Variants in HYDIN observed in about 807,000 individuals in gnomAD.
HYDIN encodes axonemal central pair apparatus protein HYDIN.
In HYDIN, 132 loss-of-function variants were observed where a neutral mutation model predicts 403.9. The observed-to-expected ratio is 0.33, with a 90% CI of 0.28 to 0.38. The LOEUF is 0.38. Among genes scored for constraint, HYDIN ranks in the 10% least tolerant of loss-of-function variants. The probability of loss-of-function intolerance (pLI) is 1.00; values close to 1 mark genes in which losing one functional copy is unlikely to be tolerated. For synonymous variants in HYDIN, 1,202 were observed against 1,891.7 expected, an observed-to-expected ratio of 0.64 and a Z score of 9.46; for missense variants, 2,827 against 5,009.5, an observed-to-expected ratio of 0.56 and a Z score of 13.15.
intron 20 of HYDIN, chr16:71,027,222 A>T (rs1461779874): frequency 7.2e-6 from 8 of 1,117,902 alleles, no homozygotes; most frequent in Non-Finnish European, 8.8e-6. Context: ...CCTGAATAGG[A>T]GAGGCAGCCC....
At chr16:71,066,195 A>C (rs532504436) in intron 15 of HYDIN, among the ~76,000 whole-genome samples, 4 of 152,196 alleles carry the variant, frequency 2.6e-5, no homozygotes, top group Non-Finnish European at 5.9e-5. Context: ...CTGCATAGAC[A>C]AGAAATGCAG....
At position 71,020,166 on chromosome 16, in the gene HYDIN, T is replaced by C; in HGVS notation, c.3330+8A>G. ...ACAGCTTGCCAGAACAGACCCCTAT[T>C]AAGGTACCTCAGGAGTTGCCGGCAG... On this transcript the variant is annotated splice_region_variant and intron_variant, in intron 22 of 85. Transcript: ENST00000393567. The C allele has an allele frequency of 1.2e-6, 2 of 1,613,576 alleles. No homozygotes were observed. The highest frequency in any genetic ancestry group is 1.7e-6 in the Non-Finnish European group (2 of 1,179,854).
At chr16:70,936,878 C>T (rs974554265) in intron 44 of HYDIN, among the ~76,000 whole-genome samples, 2 of 151,464 alleles carry the variant, frequency 1.3e-5, no homozygotes, top group South Asian at 4.2e-4. Context: ...AGCTCAGAGC[C>T]ATGGTGCTCA....
At chr16:71,065,150 T>C (rs1184310839) in intron 15 of HYDIN, among the ~76,000 whole-genome samples, 3 of 152,320 alleles carry the variant, frequency 2.0e-5, no homozygotes, top group East Asian at 1.9e-4. Flanking sequence ...GCAAGATCCA[T>C]AGGGTAGTGA....
chr16:70,980,525 CTA>C (rs759584043), intron 29 of HYDIN, among the ~76,000 whole-genome samples: 5 of 143,864 alleles, frequency 3.5e-5, no homozygotes, highest in African/African-American at 7.7e-5. Context: ...AGGGTCTTGC[CTA>C]TATATATATA....
rs183995265 is a variant in HYDIN at position 70,967,201 on chromosome 16, G to T, written c.5620-2305C>A. On this transcript the variant is annotated intron_variant, in intron 36 of 85. Coordinates refer to ENST00000393567, the MANE Select transcript of HYDIN (RefSeq NM_001270974.2). ...ATGAGATGTGGATTTGGGGGGAGCT[G>T]CTGGAACACAGCACAGAGGCCTCAC... Among the ~76,000 whole-genome samples the T allele has an allele frequency of 1.8e-4, 28 of 152,302 alleles. No homozygotes were observed. The South Asian group carries it at 2.5e-3, about 14-fold the overall frequency.
chr16:70,922,726 A>C (rs549813606), intron 45 of HYDIN, among the ~76,000 whole-genome samples: 2 of 152,142 alleles, frequency 1.3e-5, no homozygotes, highest in East Asian at 3.9e-4. Context: ...AATATCAACA[A>C]ATGAGGACTA....
intron 3 of HYDIN, among the ~76,000 whole-genome samples, chr16:71,183,818 A>C (rs2087011000): frequency 6.6e-6 from 1 of 152,132 alleles, no homozygotes; most frequent in Non-Finnish European, 1.5e-5. Flanking sequence ...AAAATAACCA[A>C]CTGAATTAAA....
chr16:71,130,742 C>T (rs1432843077), intron 8 of HYDIN, among the ~76,000 whole-genome samples: 1 of 152,022 alleles, frequency 6.6e-6, no homozygotes, highest in Non-Finnish European at 1.5e-5. Context: ...CCCGCCTCGG[C>T]CTCCCAAAGT....
chr16:71,024,996 A>G (rs1464048716), intron 21 of HYDIN, among the ~76,000 whole-genome samples: 1 of 152,218 alleles, frequency 6.6e-6, no homozygotes, highest in Non-Finnish European at 1.5e-5. Context: ...TCTAGCAAGT[A>G]CTAATCAATC....
chr16:70,810,346 C>A (rs1235819371), intron 84 of HYDIN, among the ~76,000 whole-genome samples: 3 of 152,182 alleles, frequency 2.0e-5, no homozygotes, highest in African/African-American at 7.2e-5. Flanking sequence ...TTGCTCATGG[C>A]CAATCTCAGA....
At chr16:70,941,394 G>A (rs1798386) in intron 43 of HYDIN, 34 of 316,812 alleles carry the variant, frequency 1.1e-4, no homozygotes, top group African/African-American at 5.8e-4. Context: ...GATGGGACCC[G>A]TAATGGCTGT....
chr16:70,871,920 T>C, intron 65 of HYDIN, 117 bp downstream of exon 65: 1 of 589,758 alleles, frequency 1.7e-6, no homozygotes, highest in East Asian at 2.9e-5. Context: ...CTGGGCTGTC[T>C]CTCAGCTTGA....
At chr16:71,102,481 A>G (rs982048716) in intron 10 of HYDIN, among the ~76,000 whole-genome samples, 2 of 151,970 alleles carry the variant, frequency 1.3e-5, no homozygotes, top group Non-Finnish European at 2.9e-5. Context: ...TTTCACATTT[A>G]ATAATAATAT....
intron 53 of HYDIN, among the ~76,000 whole-genome samples, chr16:70,897,270 C>T (rs2076231428): frequency 1.3e-5 from 2 of 152,174 alleles, no homozygotes; most frequent in African/African-American, 4.8e-5. Flanking sequence ...AACTGGGGGG[C>T]AGTGGGGGAA....
chr16:70,809,923 A>T lies in HYDIN; in HGVS notation c.14743T>A (p.Tyr4915Asn). 1.2e-6 allele frequency: 2 copies of T among 1,614,234 alleles called. No homozygotes were observed. The highest frequency in any genetic ancestry group is 1.7e-6 in the Non-Finnish European group (2 of 1,180,052). ...LTLHNTDLGY[Y>N]QYELYLKATP... ...GCTTTCAGATAGAGCTCATATTGGT[A>T]GTAACCCAAGTCAGTGTTGTGCAAA... Residue 4915 changes from tyrosine to asparagine, a missense_variant, in exon 85 of 86, where the codon TAC becomes AAC. By Grantham distance (143) the Tyr-to-Asn change is moderately radical (BLOSUM62 -2). Coordinates refer to ENST00000393567, the MANE Select transcript of HYDIN (RefSeq NM_001270974.2).
At chr16:70,990,303 G>A (rs2079305576) in intron 25 of HYDIN, among the ~76,000 whole-genome samples, 1 of 141,414 alleles carries the variant, frequency 7.1e-6, no homozygotes, top group Non-Finnish European at 1.5e-5. Flanking sequence ...GCTGAAGCAC[G>A]AGAATTGCTT....
At chr16:70,868,075 G>A (rs1341841117) in intron 66 of HYDIN, among the ~76,000 whole-genome samples, 1 of 152,162 alleles carries the variant, frequency 6.6e-6, no homozygotes, top group Non-Finnish European at 1.5e-5. Context: ...TGAAGGCAGA[G>A]AGTGGAATGG....
intron 47 of HYDIN, among the ~76,000 whole-genome samples, chr16:70,910,268 C>T (rs1239193035): frequency 6.6e-6 from 1 of 152,096 alleles, no homozygotes; most frequent in Non-Finnish European, 1.5e-5. Context: ...CCCCAAAGTC[C>T]ATTGTATCAT....
Sources: allele counts gnomAD v4.1 joint callset (sites outside exome capture counted in the v4.1 genomes callset), GRCh38; gene constraint gnomAD v4.1.1; transcripts MANE v1.5; gene names NCBI Gene and HGNC (gene_info 2026-07-23, HGNC 2026-07-21).